MAMDC2: variants seen among roughly 807,000 people sequenced by gnomAD.
The protein encoded by MAMDC2 is MAM domain-containing protein 2.
In MAMDC2, 57 loss-of-function variants were observed where a neutral mutation model predicts 89.8. That is an observed-to-expected ratio of 0.63 (90% CI 0.51 to 0.79). The LOEUF (loss-of-function observed/expected upper bound fraction) is 0.79, where lower values mean the gene tolerates loss of function less well. Ranked by LOEUF, MAMDC2 falls within the 30% of genes least tolerant of loss-of-function variation. The pLI is 0.00. For missense variants in MAMDC2, 800 were observed against 820.6 expected (o/e 0.97, Z 0.31); for synonymous variants, 313 against 293.4 (o/e 1.07, Z -0.68).
In MAMDC2 at chr9:70,170,491, C is replaced by T. The variant is rs765387458; in HGVS notation, c.1511C>T (p.Pro504Leu). The T allele has an allele frequency of 3.4e-5, 55 of 1,603,116 alleles. No homozygotes were observed. In the Admixed American group the frequency reaches 8.0e-4, roughly 23 times the overall value. The change falls in exon 11 of 14, where the codon CCT becomes CTT. Residue 504 changes from proline (P) to leucine (L), a missense_variant. Transcript: ENST00000377182. ...GSCSSSEKLPPPPGECTFEQD... is the reference protein window; with the variant it reads ...GSCSSSEKLPLPPGECTFEQD... The stretch of plus-strand genomic sequence containing the variant: ...TATTTTCTTGCAGAGAAACTTCCAC[C>T]TCCACCTGGAGAGTGTACTTTCGAG...
At chr9:70,213,375 T>C (rs1288777742) in intron 11 of MAMDC2, among the ~76,000 whole-genome samples, 3 of 152,174 alleles carry the variant, frequency 2.0e-5, no homozygotes, top group Non-Finnish European at 4.4e-5. Flanking sequence ...CAGAGCTCCA[T>C]AGCCAGGTGT....
At chr9:70,070,835 A>G (rs2997676) in intron 2 of MAMDC2, among the ~76,000 whole-genome samples, 50,283 of 151,894 alleles carry the variant, frequency 0.33, 9,597 homozygotes, top group African/African-American at 0.53. Context: ...TTTTTCTGCC[A>G]TTTCTACAGT....
chr9:70,170,374 C>A, intron 10 of MAMDC2, 105 bp from the exon 11 acceptor site: 1 of 1,308,886 alleles, frequency 7.6e-7, no homozygotes, highest in Non-Finnish European at 1.0e-6. Context: ...CTCTCCATCG[C>A]ATGGCATATG....
At chr9:70,173,455 A>G (rs2032411856) in intron 11 of MAMDC2, among the ~76,000 whole-genome samples, 1 of 152,228 alleles carries the variant, frequency 6.6e-6, no homozygotes. Context: ...CCAATTAATT[A>G]TTGAGACCCT....
intron 6 of MAMDC2, among the ~76,000 whole-genome samples, chr9:70,129,747 CAG>C (rs1415376564): frequency 2.6e-5 from 4 of 152,126 alleles, no homozygotes; most frequent in African/African-American, 9.7e-5. Context: ...TTGCTAGATA[CAG>C]AGACATTAGG....
At chr9:70,061,187 A>G (rs1055013961) in intron 2 of MAMDC2, among the ~76,000 whole-genome samples, 7 of 152,218 alleles carry the variant, frequency 4.6e-5, no homozygotes, top group African/African-American at 1.7e-4. Flanking sequence ...ACTGCCATTT[A>G]TCATGGGCCC....
chr9:70,045,922 A>G (rs903828515), intron 2 of MAMDC2, among the ~76,000 whole-genome samples: 1 of 152,174 alleles, frequency 6.6e-6, no homozygotes, highest in Non-Finnish European at 1.5e-5. Context: ...ACTACAGTCT[A>G]CTTAGGGGTG....
chr9:70,197,218 G>A lies in MAMDC2; in HGVS notation c.1652-21119G>A, dbSNP rs904428103. On this transcript the variant is annotated intron_variant, in intron 11 of 13. Transcript: ENST00000377182. The stretch of plus-strand genomic sequence containing the variant: ...GTTCTGGAAATCATTCACTATTACA[G>A]ATGCAATAACATTCATCAAAGCTGC... Among the ~76,000 whole-genome samples the A allele has an allele frequency of 3.0e-4, 45 of 152,196 alleles. 1 individual carries two copies. Among genetic ancestry groups the A allele is most frequent in the African/African-American group, 1.1e-3 (45 of 41,538 alleles).
intron 2 of MAMDC2, among the ~76,000 whole-genome samples, chr9:70,064,103 T>C (rs1827210702): frequency 6.6e-6 from 1 of 152,022 alleles, no homozygotes; most frequent in Non-Finnish European, 1.5e-5. Flanking sequence ...AGAAAACCTT[T>C]TCTTTATAAA....
At chr9:70,160,006 G>C (rs1209758937) in intron 9 of MAMDC2, among the ~76,000 whole-genome samples, 1 of 152,148 alleles carries the variant, frequency 6.6e-6, no homozygotes, top group African/African-American at 2.4e-5. Context: ...GAGGCCAGGA[G>C]ATCAAGACCA....
intron 9 of MAMDC2, among the ~76,000 whole-genome samples, chr9:70,163,027 G>GT (rs776752500): frequency 2.0e-5 from 3 of 151,886 alleles, no homozygotes; most frequent in East Asian, 1.9e-4. Flanking sequence ...GCAGATCATT[G>GT]TTTTTTTGAA....
chr9:70,163,193 C>A (rs1046432395), intron 9 of MAMDC2, among the ~76,000 whole-genome samples: 20 of 116,770 alleles, frequency 1.7e-4, no homozygotes, highest in Non-Finnish European at 7.1e-5. Flanking sequence ...GCTCCTTTAC[C>A]TTTTGTTTCC....
intron 2 of MAMDC2, chr9:70,060,492 G>A (rs138770626): frequency 2.0e-5 from 3 of 152,334 alleles, no homozygotes; most frequent in East Asian, 1.9e-4. Context: ...TCATCCTGCT[G>A]TTATGGCACC....
intron 9 of MAMDC2, among the ~76,000 whole-genome samples, chr9:70,148,956 G>C (rs566670641): frequency 1.3e-5 from 2 of 148,438 alleles, no homozygotes; most frequent in East Asian, 3.9e-4. Context: ...GTGAACCCGG[G>C]AGGTGGAGCT....
In MAMDC2 at chr9:70,088,714, C is replaced by T. The variant is rs1827825413; in HGVS notation, c.149-19497C>T. On this transcript the variant is annotated intron_variant, in intron 2 of 13. Transcript: ENST00000377182. ...GGATAATATGCTAATTTTCCTGAAA[C>T]CAACTAAAATAAATGCTACATTTTT... 2.7e-5 allele frequency: 4 copies of T among 150,306 alleles called. No individual in the cohort carries two copies. The South Asian group carries it at 8.4e-4, about 32-fold the overall frequency. 9.3% of individuals were successfully genotyped at this position (150,306 alleles called of 1,614,324 possible).
intron 2 of MAMDC2, among the ~76,000 whole-genome samples, chr9:70,068,485 T>C (rs1399524196): frequency 6.6e-6 from 1 of 151,920 alleles, no homozygotes; most frequent in African/African-American, 2.4e-5. Context: ...TGGGAGGCCA[T>C]GGTGGGTAGA....
At chr9:70,154,598 C>T (rs1163526057) in intron 9 of MAMDC2, among the ~76,000 whole-genome samples, 1 of 144,198 alleles carries the variant, frequency 6.9e-6, no homozygotes. Context: ...GATCATGGTT[C>T]ACTGCAGTCT....
chr9:70,201,872 T>C (rs10868683), intron 11 of MAMDC2, among the ~76,000 whole-genome samples: 103,612 of 125,330 alleles, frequency 0.83, 43,008 homozygotes, highest in Admixed American at 0.88. Context: ...TGATGGTAGT[T>C]TGTATTTCTG....
At chr9:70,193,013 T>C (rs1158685631) in intron 11 of MAMDC2, among the ~76,000 whole-genome samples, 1 of 151,946 alleles carries the variant, frequency 6.6e-6, no homozygotes, top group East Asian at 1.9e-4. Flanking sequence ...TGATCAGATA[T>C]TGAGGGTGGG....
Sources: allele counts gnomAD v4.1 joint callset (sites outside exome capture counted in the v4.1 genomes callset), GRCh38; gene constraint gnomAD v4.1.1; transcripts MANE v1.5; gene names NCBI Gene and HGNC (gene_info 2026-07-23, HGNC 2026-07-21).